PAK3: variants seen among roughly 807,000 people sequenced by gnomAD.
PAK3 encodes serine/threonine-protein kinase PAK 3.
PAK3 carries 4 observed loss-of-function variants against 41.0 expected under a neutral mutation model. The ratio of observed to expected loss-of-function variants is 0.10; its 90% CI spans 0.05 to 0.22. PAK3 has a LOEUF of 0.22. PAK3 is among the 10% of genes least tolerant of loss of function. PAK3 has a pLI of 1.00. For synonymous variants in PAK3, 146 were observed against 139.6 expected, an observed-to-expected ratio of 1.05 and a Z score of -0.32; for missense variants, 205 against 409.9, an observed-to-expected ratio of 0.50 and a Z score of 4.32.
chrX:111,142,847 C>T (rs761453833), intron 6 of PAK3, among the ~76,000 whole-genome samples: 11 of 110,680 alleles, frequency 9.9e-5, no homozygotes, highest in African/African-American at 2.6e-4. Flanking sequence ...TAGTACATAC[C>T]AATAAGAATT....
At chrX:111,194,215 C>T in intron 13 of PAK3, 86 bp from the exon 14 acceptor site, 1 of 610,566 alleles carries the variant, frequency 1.6e-6, no homozygotes, top group South Asian at 2.2e-5. Context: ...TCAGAGTTGA[C>T]TTCTATCAGA....
chrX:110,945,149 A>G (rs775811168), intron 1 of PAK3, among the ~76,000 whole-genome samples: 134 of 112,358 alleles, frequency 1.2e-3, no homozygotes, highest in Middle Eastern at 9.2e-3. Context: ...GACTACACAC[A>G]GGAATGCAGT....
At chrX:110,983,492 G>GAGAGAGAGAGAGAGAA (rs57629808) in intron 1 of PAK3, among the ~76,000 whole-genome samples, 3 of 98,694 alleles carry the variant, frequency 3.0e-5, no homozygotes, top group Non-Finnish European at 6.1e-5. Context: ...GAGAGAGAGA[G>GAGAGAGAGAGAGAGAA]GATGTGTGTG....
chrX:110,998,931 C>T (rs1199049008), intron 1 of PAK3, among the ~76,000 whole-genome samples: 1 of 112,206 alleles, frequency 8.9e-6, no homozygotes, highest in East Asian at 2.8e-4. Context: ...TCCTGGCATA[C>T]CAAACTTATC....
At chrX:111,076,363 C>T in intron 1 of PAK3, among the ~76,000 whole-genome samples, 1 of 111,660 alleles carries the variant, frequency 9.0e-6, no homozygotes, top group Admixed American at 9.5e-5. Flanking sequence ...TGGCTTAGCA[C>T]CATACTCTAA....
intron 5 of PAK3, among the ~76,000 whole-genome samples, chrX:111,138,989 AACAC>A (rs368706435): frequency 1.4e-4 from 15 of 107,135 alleles, no homozygotes; most frequent in African/African-American, 3.7e-4. Flanking sequence ...AACAAACAAC[AACAC>A]ACACACACAC....
chrX:111,015,444 A>T (rs780637446), intron 1 of PAK3, among the ~76,000 whole-genome samples: 1 of 110,089 alleles, frequency 9.1e-6, no homozygotes, highest in Non-Finnish European at 1.9e-5. Context: ...ACTGTTTTTG[A>T]CTCTTTTGAA....
chrX:111,131,875 C>T (rs192389245), intron 5 of PAK3, among the ~76,000 whole-genome samples: 29 of 112,102 alleles, frequency 2.6e-4, no homozygotes, highest in Admixed American at 2.3e-3. Flanking sequence ...TTCTGAGACA[C>T]TTACTGTTAC....
At chrX:110,972,813 T>G (rs1168822145) in intron 1 of PAK3, among the ~76,000 whole-genome samples, 1 of 110,763 alleles carries the variant, frequency 9.0e-6, no homozygotes, top group African/African-American at 3.3e-5. Flanking sequence ...CTAAAAACCT[T>G]GAAAAAAGAT....
At chrX:111,006,819 T>TTCTC (rs2091932793) in intron 1 of PAK3, among the ~76,000 whole-genome samples, 1 of 12,055 alleles carries the variant, frequency 8.3e-5, no homozygotes, top group Admixed American at 2.1e-3. Context: ...TTCCCTTTCT[T>TTCTC]TCTTTCTTTC....
intron 8 of PAK3, among the ~76,000 whole-genome samples, chrX:111,162,649 T>A (rs997595595): frequency 6.3e-5 from 7 of 111,568 alleles, no homozygotes; most frequent in African/African-American, 2.3e-4. Flanking sequence ...TAGTCCACTG[T>A]TTTTGAGCTC....
intron 1 of PAK3, among the ~76,000 whole-genome samples, chrX:110,993,172 C>T (rs1161103419): frequency 9.0e-6 from 1 of 111,607 alleles, no homozygotes; most frequent in Admixed American, 9.5e-5. Flanking sequence ...CTGTTTTTAG[C>T]GACTAAATAA....
intron 1 of PAK3, among the ~76,000 whole-genome samples, chrX:111,084,774 C>G (rs2092866072): frequency 8.9e-6 from 1 of 112,370 alleles, no homozygotes; most frequent in Admixed American, 9.4e-5. Context: ...ATTTTTCTTT[C>G]TAATTCAGAA....
At chrX:111,100,527 C>T (rs1480487469) in intron 3 of PAK3, among the ~76,000 whole-genome samples, 1 of 111,478 alleles carries the variant, frequency 9.0e-6, no homozygotes, top group East Asian at 2.8e-4. Flanking sequence ...CCGTTTCCTG[C>T]AAGTCCTTCT....
At chrX:111,209,492 A>G (rs542744224) in intron 16 of PAK3, among the ~76,000 whole-genome samples, 1 of 112,272 alleles carries the variant, frequency 8.9e-6, no homozygotes, top group South Asian at 3.7e-4. Flanking sequence ...GCCCTCTTAT[A>G]GTTCAGTTGC....
At chrX:110,991,915 AT>A (rs1252899654) in intron 1 of PAK3, among the ~76,000 whole-genome samples, 1 of 111,786 alleles carries the variant, frequency 8.9e-6, no homozygotes, top group Non-Finnish European at 1.9e-5. Flanking sequence ...TTATTCCTGT[AT>A]TTAAGGAATT....
At chrX:110,971,895 A>G (rs897134379) in intron 1 of PAK3, among the ~76,000 whole-genome samples, 2 of 111,439 alleles carry the variant, frequency 1.8e-5, no homozygotes, top group Non-Finnish European at 3.8e-5. Context: ...TTGTATGTGG[A>G]CATACAGTTG....
At chrX:111,024,203 T>C (rs1220685077) in intron 1 of PAK3, among the ~76,000 whole-genome samples, 1 of 111,902 alleles carries the variant, frequency 8.9e-6, no homozygotes, top group East Asian at 2.8e-4. Context: ...CAGATGGTTG[T>C]AGATGTGTGG....
At chrX:111,021,414 G>C (rs2092179824) in intron 1 of PAK3, among the ~76,000 whole-genome samples, 1 of 111,945 alleles carries the variant, frequency 8.9e-6, no homozygotes, top group Admixed American at 9.4e-5. Context: ...AGCTCCACTG[G>C]GTGGCTAGAC....
Sources: allele counts gnomAD v4.1 joint callset (sites outside exome capture counted in the v4.1 genomes callset), GRCh38; gene constraint gnomAD v4.1.1; transcripts MANE v1.5; gene names NCBI Gene and HGNC (gene_info 2026-07-23, HGNC 2026-07-21).